AXDND1: variants seen among roughly 807,000 people sequenced by gnomAD.
AXDND1 encodes axonemal dynein light chain domain-containing protein 1.
In AXDND1, 110 loss-of-function variants were observed where a neutral mutation model predicts 137.5. The ratio of observed to expected loss-of-function variants is 0.80; its 90% CI spans 0.69 to 0.94. The LOEUF is 0.94. AXDND1 is among the 40% of genes least tolerant of loss of function. AXDND1 has a pLI of 0.00. For missense variants in AXDND1, 1,191 were observed against 1,169.8 expected, an observed-to-expected ratio of 1.02 and a Z score of -0.26; for synonymous variants, 414 against 399.7, an observed-to-expected ratio of 1.04 and a Z score of -0.43.
At chr1:179,504,068 C>T (rs147851110) in intron 20 of AXDND1, among the ~76,000 whole-genome samples, 12 of 151,988 alleles carry the variant, frequency 7.9e-5, no homozygotes, top group African/African-American at 2.9e-4. Context: ...ACTAAAACAC[C>T]ATGAACATTT....
chr1:179,416,563 T>C (rs1272701201), intron 12 of AXDND1, among the ~76,000 whole-genome samples: 2 of 152,206 alleles, frequency 1.3e-5, no homozygotes, highest in Non-Finnish European at 2.9e-5. Context: ...CAAAAGTGAC[T>C]CCATGTTGAA....
chr1:179,395,275 A>G, intron 11 of AXDND1, 73 bp downstream of exon 11: 1 of 1,118,786 alleles, frequency 8.9e-7, no homozygotes, highest in Non-Finnish European at 1.3e-6. Flanking sequence ...GAAATAATAT[A>G]TATGATACTA....
intron 11 of AXDND1, among the ~76,000 whole-genome samples, chr1:179,407,945 C>T (rs1477721990): frequency 6.6e-6 from 1 of 152,064 alleles, no homozygotes; most frequent in Non-Finnish European, 1.5e-5. Flanking sequence ...TCATTGTTTT[C>T]AATTCATTTC....
chr1:179,541,982 T>G (rs552931458), intron 25 of AXDND1, among the ~76,000 whole-genome samples: 56 of 152,316 alleles, frequency 3.7e-4, no homozygotes, highest in African/African-American at 1.3e-3. Context: ...ATGACATCAT[T>G]TTTTAAAGGC....
chr1:179,539,621 T>C (rs1032293684), intron 25 of AXDND1, among the ~76,000 whole-genome samples: 2 of 152,194 alleles, frequency 1.3e-5, no homozygotes, highest in Non-Finnish European at 2.9e-5. Context: ...CTGCCCTTAA[T>C]ATTTTTTCCT....
At chr1:179,414,197 A>C (rs1367898534) in intron 12 of AXDND1, among the ~76,000 whole-genome samples, 1 of 64,450 alleles carries the variant, frequency 1.6e-5, no homozygotes, top group African/African-American at 4.7e-5. Context: ...AGATAAATAC[A>C]AAAAAAAACC....
At chr1:179,518,385 CTTTTTT>C (rs71114530) in intron 21 of AXDND1, among the ~76,000 whole-genome samples, 2 of 145,110 alleles carry the variant, frequency 1.4e-5, no homozygotes, top group Admixed American at 6.8e-5. Flanking sequence ...TTTCCTTTTT[CTTTTTT>C]TTTTTTTTGA....
intron 16 of AXDND1, among the ~76,000 whole-genome samples, chr1:179,458,220 T>A (rs990882410): frequency 2.0e-5 from 3 of 152,104 alleles, no homozygotes; most frequent in Admixed American, 6.6e-5. Context: ...TGGGCTCAAG[T>A]CATTCACCCA....
intron 18 of AXDND1, among the ~76,000 whole-genome samples, chr1:179,487,981 G>A (rs1666262764): frequency 1.8e-5 from 2 of 110,362 alleles, no homozygotes; most frequent in Non-Finnish European, 3.5e-5. Flanking sequence ...GTGAAACAGA[G>A]TGAGACCATG....
At chr1:179,552,420 G>T (rs1673422844) in intron 25 of AXDND1, 1 of 639,486 alleles carries the variant, frequency 1.6e-6, no homozygotes, top group East Asian at 2.8e-5. Flanking sequence ...GAGAGGGAGA[G>T]GAGTTGCATT....
At chr1:179,460,232 C>T (rs964098847) in intron 16 of AXDND1, among the ~76,000 whole-genome samples, 1 of 145,602 alleles carries the variant, frequency 6.9e-6, no homozygotes, top group Non-Finnish European at 1.5e-5. Context: ...GTGATGTTCC[C>T]CACCCTGTGT....
intron 9 of AXDND1, among the ~76,000 whole-genome samples, chr1:179,388,976 CTTTTTTTTT>C (rs11373996): frequency 8.9e-6 from 1 of 112,534 alleles, no homozygotes; most frequent in African/African-American, 3.5e-5. Context: ...TTTTTAGATT[CTTTTTTTTT>C]TTTTTTTTGA....
rs1026626468 is a variant in AXDND1 at position 179,489,013 on chromosome 1, G to A, written c.2092-2525G>A. Among the ~76,000 whole-genome samples, 13 of 147,454 alleles carry A rather than the reference G, an allele frequency of 8.8e-5. 1 individual carries two copies. Among genetic ancestry groups the A allele is most frequent in the Non-Finnish European group, 1.3e-4 (9 of 67,254 alleles). ...CTCCCAAAGTGCTGGGATTACAGGTGTGAGCTACCACACCTGGCACATTTA... is the reference window on the plus strand; with the variant it reads ...CTCCCAAAGTGCTGGGATTACAGGTATGAGCTACCACACCTGGCACATTTA... On this transcript the variant is annotated intron_variant, in intron 18 of 25. Coordinates refer to ENST00000367618, the MANE Select transcript of AXDND1 (RefSeq NM_144696.6).
At chr1:179,504,782 C>T (rs12029787) in intron 20 of AXDND1, among the ~76,000 whole-genome samples, 19,124 of 152,084 alleles carry the variant, frequency 0.13, 1,375 homozygotes, top group African/African-American at 0.16. Flanking sequence ...ACTCACTAAC[C>T]GTTCTCTAGT....
intron 4 of AXDND1, among the ~76,000 whole-genome samples, chr1:179,373,507 C>G (rs1226087647): frequency 6.6e-6 from 1 of 152,054 alleles, no homozygotes; most frequent in Admixed American, 6.6e-5. Context: ...AAAAAAGAGC[C>G]CACAGAGCCA....
intron 15 of AXDND1, 104 bp downstream of exon 15, chr1:179,432,446 C>A: frequency 7.3e-7 from 1 of 1,370,616 alleles, no homozygotes; most frequent in Non-Finnish European, 9.6e-7. Flanking sequence ...TTTTTTGGGA[C>A]GTTGTCTCAC....
intron 11 of AXDND1, among the ~76,000 whole-genome samples, chr1:179,398,484 A>C (rs1651414096): frequency 1.3e-5 from 2 of 152,216 alleles, no homozygotes; most frequent in Admixed American, 1.3e-4. Flanking sequence ...CAGCAGCAGC[A>C]GTAGTGGCAA....
chr1:179,465,520 C>T (rs1270419873), intron 16 of AXDND1, among the ~76,000 whole-genome samples: 2 of 152,216 alleles, frequency 1.3e-5, no homozygotes, highest in African/African-American at 4.8e-5. Context: ...TATGAGGTGT[C>T]AGTTGGCCCC....
chr1:179,419,973 C>T (rs374459601), intron 12 of AXDND1, among the ~76,000 whole-genome samples: 2 of 152,130 alleles, frequency 1.3e-5, no homozygotes, highest in South Asian at 2.1e-4. Flanking sequence ...CTGTCCAGGA[C>T]TTCCAGGAAT....
Sources: gnomAD v4.1 joint callset for allele counts (sites outside exome capture counted in the v4.1 genomes callset) on GRCh38, gnomAD v4.1.1 for gene constraint, MANE v1.5 for transcripts, NCBI Gene and HGNC (gene_info 2026-07-23, HGNC 2026-07-21) for gene names.